Variants in NFKBIL1 observed in about 807,000 individuals in gnomAD.
NFKBIL1 encodes the protein NFKB inhibitor like 1.
In NFKBIL1, 30 loss-of-function variants were observed where a neutral mutation model predicts 45.4. The ratio of observed to expected loss-of-function variants is 0.66; its 90% CI spans 0.49 to 0.90. NFKBIL1 has a LOEUF of 0.90. Ranked by LOEUF, NFKBIL1 falls within the 40% of genes least tolerant of loss-of-function variation. The pLI, the probability that NFKBIL1 is intolerant of heterozygous loss-of-function variation, is 0.00. For synonymous variants in NFKBIL1, 179 were observed against 197.3 expected, an observed-to-expected ratio of 0.91 and a Z score of 0.78; for missense variants, 434 against 513.4, an observed-to-expected ratio of 0.85 and a Z score of 1.49.
Position 31,558,648 on chromosome 6 carries a change from C to A in NFKBIL1, c.*37C>A. On this transcript the variant is annotated 3_prime_UTR_variant, in exon 4 of 4. Coordinates refer to ENST00000376148, the MANE Select transcript of NFKBIL1 (RefSeq NM_005007.4). The surrounding 1 kb of genome is among the most constrained non-coding windows in gnomAD (Gnocchi z 7.2). Reference sequence around the variant, plus strand: ...AAGCAAGAAACTTCGGGGCTGCAGCCTCAGGATGAGGCAGAAGGAAGGGTA... The same window carrying A: ...AAGCAAGAAACTTCGGGGCTGCAGCATCAGGATGAGGCAGAAGGAAGGGTA... 1 of 1,499,110 alleles carries A rather than the reference C, an allele frequency of 6.7e-7. No homozygotes were observed. The highest frequency in any genetic ancestry group is 9.0e-7 in the Non-Finnish European group (1 of 1,108,816). 92.9% of individuals were successfully genotyped at this position (1,499,110 alleles called of 1,614,324 possible). A position where few individuals can be genotyped will look rare whatever the true frequency, so the allele number is the denominator to read the frequency against.
Position 31,558,006 on chromosome 6 carries a change from C to T in NFKBIL1, c.557-16C>T. ...CAGCCTCTCTCCAACTACCCCCATC[C>T]CACCCTCCCAAACAGGTGATGCCTC... is the stretch of plus-strand genomic sequence containing the variant. On this transcript the variant is annotated splice_polypyrimidine_tract_variant and intron_variant, in intron 3 of 3. Coordinates refer to ENST00000376148, the MANE Select transcript of NFKBIL1 (RefSeq NM_005007.4). The surrounding 1 kb of genome is among the most constrained non-coding windows in gnomAD (Gnocchi z 7.2). 1.4e-6 allele frequency: 2 copies of T among 1,477,154 alleles called. No individual in the cohort carries two copies. The highest frequency in any genetic ancestry group is 1.9e-6 in the Non-Finnish European group (2 of 1,072,108). 91.5% of individuals were successfully genotyped at this position (1,477,154 alleles called of 1,614,324 possible). A position where few individuals can be genotyped will look rare whatever the true frequency, so the allele number is the denominator to read the frequency against.
rs144376753 is a variant in NFKBIL1 at position 31,548,261 on chromosome 6, C to A, written c.156C>A (p.Leu52=). 1.7e-5 allele frequency: 28 copies of A among 1,612,870 alleles called. No homozygotes were observed. The African/African-American group carries it at 3.3e-4, about 19-fold the overall frequency. ...SAGRLVRAQA[L]LQRHPGLDVD... ...GACGGCTGGTCCGGGCCCAGGCCCT[C>A]CTCCAGCGACACCCAGGCCTCGATG... is the stretch of plus-strand genomic sequence containing the variant. The change falls in exon 2 of 4, where the codon CTC becomes CTA. Residue 52 remains leucine (L), a synonymous_variant. Coordinates refer to ENST00000376148, the MANE Select transcript of NFKBIL1 (RefSeq NM_005007.4).
intron 2 of NFKBIL1, among the ~76,000 whole-genome samples, chr6:31,553,039 CTTTTT>C (rs9279345): frequency 1.6e-5 from 2 of 125,040 alleles, no homozygotes; most frequent in Non-Finnish European, 3.3e-5. Context: ...GAAAGGTGAA[CTTTTT>C]TTTTTTTTTT....
chr6:31,550,202 A>C (rs1769351584), intron 2 of NFKBIL1, among the ~76,000 whole-genome samples: 1 of 135,840 alleles, frequency 7.4e-6, no homozygotes. Context: ...CTCCGTCTCA[A>C]AAAAAAAAAA....
Position 31,558,584 on chromosome 6 carries a change from G to T in NFKBIL1, c.1119G>T (p.Leu373=). Reference sequence around the variant, plus strand: ...CAGTGACAGCCCTTTCTCAGGCCCTGAATCGCCATGCAGAGGCCCTCAAGT... The same window carrying T: ...CAGTGACAGCCCTTTCTCAGGCCCTTAATCGCCATGCAGAGGCCCTCAAGT... ...MGAVTALSQA[L]NRHAEALK is the part of the protein sequence containing the mutation. The change falls in exon 4 of 4, where the codon CTG becomes CTT. Residue 373 remains leucine (L), a synonymous_variant. Transcript: ENST00000376148. The surrounding 1 kb of genome is among the most constrained non-coding windows in gnomAD (Gnocchi z 7.2). The T allele has an allele frequency of 6.4e-7, 1 of 1,557,558 alleles. No individual in the cohort carries two copies. Among genetic ancestry groups the T allele is most frequent in the Non-Finnish European group, 8.7e-7 (1 of 1,150,336 alleles).
At chr6:31,550,978 G>A (rs913494570) in intron 2 of NFKBIL1, among the ~76,000 whole-genome samples, 2 of 151,100 alleles carry the variant, frequency 1.3e-5, no homozygotes, top group African/African-American at 2.4e-5. Context: ...GAGCCACCGC[G>A]CTCAGCCAAA....
At chr6:31,551,202 A>G (rs2150362422) in intron 2 of NFKBIL1, among the ~76,000 whole-genome samples, 1 of 150,736 alleles carries the variant, frequency 6.6e-6, no homozygotes, top group Middle Eastern at 3.4e-3. Flanking sequence ...AATTGTTTGT[A>G]TTTTTGGTAG....
At chr6:31,547,384 C>G (rs1395487469), upstream of NFKBIL1, among the ~76,000 whole-genome samples, 4 of 151,866 alleles carry the variant, frequency 2.6e-5, no homozygotes, top group Non-Finnish European at 4.4e-5. Flanking sequence ...AAATAACTCT[C>G]TTTTCTCCCT....
intron 2 of NFKBIL1, among the ~76,000 whole-genome samples, chr6:31,550,987 A>G (rs116157207): frequency 0.014 from 2,050 of 151,472 alleles, 26 homozygotes; most frequent in South Asian, 0.059. Flanking sequence ...CGCTCAGCCA[A>G]AATGCCCCTG....
chr6:31,558,759 T>TG lies in NFKBIL1; in HGVS notation c.*154dup. 1 of 496,758 alleles carries TG rather than the reference T, an allele frequency of 2.0e-6. No homozygotes were observed. The highest frequency in any genetic ancestry group is 3.5e-6 in the Non-Finnish European group (1 of 286,868). 30.8% of individuals were successfully genotyped at this position (496,758 alleles called of 1,614,324 possible). ...GAGCGAAAGTTGTAACAAGTGGGGG[T>TG]GGGGGGTGCGGGCCGCCACCACTGC... On this transcript the variant is annotated 3_prime_UTR_variant, in exon 4 of 4. Transcript: ENST00000376148. This position sits in a 1 kb window ranked among gnomAD's most constrained non-coding sequence, Gnocchi z 7.2.
intron 2 of NFKBIL1, among the ~76,000 whole-genome samples, chr6:31,554,734 G>A (rs1562452451): frequency 6.6e-6 from 1 of 152,158 alleles, no homozygotes; most frequent in Non-Finnish European, 1.5e-5. Context: ...ACCAAATTGC[G>A]CATGTCCTTT....
At position 31,558,684 on chromosome 6, in the gene NFKBIL1, TG is replaced by T; in HGVS notation, c.*77del. Reference sequence around the variant, plus strand: ...GCAGAAGGAAGGGTAAGGGAAAGGATGGGGACCACAAGGAAGAGCCAGGTGC... The same window carrying T: ...GCAGAAGGAAGGGTAAGGGAAAGGATGGGACCACAAGGAAGAGCCAGGTGC... On this transcript the variant is annotated 3_prime_UTR_variant, in exon 4 of 4. Coordinates refer to ENST00000376148, the MANE Select transcript of NFKBIL1 (RefSeq NM_005007.4). This position sits in a 1 kb window ranked among gnomAD's most constrained non-coding sequence, Gnocchi z 7.2. The T allele has an allele frequency of 7.6e-7, 1 of 1,322,306 alleles. No homozygotes were observed. Among genetic ancestry groups the T allele is most frequent in the Non-Finnish European group, 1.0e-6 (1 of 973,758 alleles). The allele number at this position is 1,322,306 out of a possible 1,614,324, so 81.9% of individuals were successfully genotyped here. A position where few individuals can be genotyped will look rare whatever the true frequency, so the allele number is the denominator to read the frequency against.
rs1249230429 is a variant in NFKBIL1 at position 31,558,153 on chromosome 6, G to A, written c.688G>A (p.Glu230Lys). Residue 230 changes from glutamate (E) to lysine (K), a missense_variant, in exon 4 of 4, where the codon GAG (glutamate) becomes AAG (lysine). Physicochemically the swap from Glu to Lys is moderately conservative, Grantham distance 56. Transcript: ENST00000376148. The surrounding 1 kb of genome is among the most constrained non-coding windows in gnomAD (Gnocchi z 7.2). Reference sequence around the variant, plus strand: ...GGGATCCCGTCGACCCCCACGTGCTGAGGGCTCCAGCCAGAGCTGGCGACA... The same window carrying A: ...GGGATCCCGTCGACCCCCACGTGCTAAGGGCTCCAGCCAGAGCTGGCGACA... ...AEGSRRPPRAEGSSQSWRQQE... is the reference protein window; with the variant it reads ...AEGSRRPPRAKGSSQSWRQQE... 1.9e-6 allele frequency: 3 copies of A among 1,611,346 alleles called. No homozygotes were observed. The African/African-American group carries it at 4.0e-5, about 22-fold the overall frequency.
In NFKBIL1 at chr6:31,557,860, C is replaced by A; in HGVS notation, c.556+11C>A. 6.4e-7 allele frequency: 1 copy of A among 1,569,924 alleles called. No individual in the cohort carries two copies. Among genetic ancestry groups the A allele is most frequent in the South Asian group, 1.2e-5 (1 of 85,786 alleles). On this transcript the variant is annotated intron_variant, in intron 3 of 3. Coordinates refer to ENST00000376148, the MANE Select transcript of NFKBIL1 (RefSeq NM_005007.4). The surrounding 1 kb of genome is among the most constrained non-coding windows in gnomAD (Gnocchi z 5.4). ...TGGGGAGGTTTGAAGGTGAGAAGTCCACTGCTATCCACAGCTGCCCTTCCC... is the reference window on the plus strand; with the variant it reads ...TGGGGAGGTTTGAAGGTGAGAAGTCAACTGCTATCCACAGCTGCCCTTCCC...
intron 2 of NFKBIL1, among the ~76,000 whole-genome samples, chr6:31,549,038 A>G (rs544152707): frequency 2.0e-5 from 3 of 152,300 alleles, no homozygotes; most frequent in Admixed American, 2.0e-4. Flanking sequence ...TATAACCCAG[A>G]TGGACTAGAT....
In NFKBIL1 at chr6:31,558,499, G is replaced by A. The variant is rs201771654; in HGVS notation, c.1034G>A (p.Arg345His). The stretch of plus-strand genomic sequence containing the variant: ...CAGCAGGTCCGCTGGCACCCTGACC[G>A]CTTCCTGCAGCGATTCCGAAGCCAG... ...RVQQVRWHPD[R>H]FLQRFRSQIE... Residue 345 changes from arginine (R) to histidine (H), a missense_variant, in exon 4 of 4, where the codon CGC (arginine) becomes CAC (histidine). Physicochemically the swap from Arg to His is conservative, Grantham distance 29. Around this residue, in one of 4 missense-constraint regions of NFKBIL1, gnomAD observed 52 missense variants for 95.9 expected, o/e 0.54. Coordinates refer to ENST00000376148, the MANE Select transcript of NFKBIL1 (RefSeq NM_005007.4). This position sits in a 1 kb window ranked among gnomAD's most constrained non-coding sequence, Gnocchi z 7.2. 7.1e-5 allele frequency: 110 copies of A among 1,554,808 alleles called. No homozygotes were observed. Among genetic ancestry groups the A allele is most frequent in the East Asian group, 2.6e-4 (11 of 41,718 alleles).
intron 1 of NFKBIL1, 134 bp downstream of exon 1, chr6:31,547,885 AT>A: frequency 1.2e-6 from 1 of 821,750 alleles, no homozygotes; most frequent in Non-Finnish European, 1.9e-6. Flanking sequence ...AAAATTAAAA[AT>A]TTACCTGGGC....
intron 2 of NFKBIL1, among the ~76,000 whole-genome samples, chr6:31,554,340 T>G (rs1201349205): frequency 6.6e-6 from 1 of 151,876 alleles, no homozygotes; most frequent in Non-Finnish European, 1.5e-5. Flanking sequence ...TGAGCCCAGG[T>G]GGGGCAGAGT....
chr6:31,557,258 C>T lies in NFKBIL1; in HGVS notation c.335-370C>T, dbSNP rs755030151. On this transcript the variant is annotated intron_variant, in intron 2 of 3. Transcript: ENST00000376148. The surrounding 1 kb of genome is among the most constrained non-coding windows in gnomAD (Gnocchi z 5.4). The stretch of plus-strand genomic sequence containing the variant: ...GAGTAGCTGGGACTGCAGGCGCCCG[C>T]CACCAGGCCTGGCTAATTTTTTGTA... Among the ~76,000 whole-genome samples the T allele has an allele frequency of 1.3e-5, 2 of 151,694 alleles. No homozygotes were observed. The highest frequency in any genetic ancestry group is 1.5e-5 in the Non-Finnish European group (1 of 68,010).
Sources: allele counts gnomAD v4.1 joint callset (sites outside exome capture counted in the v4.1 genomes callset), GRCh38; gene constraint gnomAD v4.1.1; regional missense constraint gnomAD v4.1.1; non-coding constraint Gnocchi (gnomAD v3.1); transcripts MANE v1.5; gene names NCBI Gene and HGNC (gene_info 2026-07-23, HGNC 2026-07-21).